ACBD6: variants seen among roughly 807,000 people sequenced by gnomAD.
ACBD6 encodes acyl-CoA-binding domain-containing protein 6.
In ACBD6, 28 loss-of-function variants were observed where a neutral mutation model predicts 37.2. The ratio of observed to expected loss-of-function variants is 0.75; its 90% CI spans 0.56 to 1.03. The LOEUF (loss-of-function observed/expected upper bound fraction) is 1.03. ACBD6 is among the 50% of genes least tolerant of loss of function. The pLI is 0.00. For missense variants in ACBD6, 340 were observed against 337.4 expected, an observed-to-expected ratio of 1.01 and a Z score of -0.06; for synonymous variants, 113 against 126.8, an observed-to-expected ratio of 0.89 and a Z score of 0.73.
chr1:180,337,583 A>G (rs1200268547), intron 6 of ACBD6, among the ~76,000 whole-genome samples: 1 of 152,218 alleles, frequency 6.6e-6, no homozygotes, highest in Non-Finnish European at 1.5e-5. Context: ...ATTCCCTTTG[A>G]AAATGGGCAC....
chr1:180,304,101 G>A (rs12120966), intron 7 of ACBD6, among the ~76,000 whole-genome samples: 3,069 of 150,728 alleles, frequency 0.02, 174 homozygotes, highest in Middle Eastern at 0.044. Context: ...TTGATGGGAC[G>A]TATCTCATAA....
chr1:180,312,395 TA>T (rs1033862643), intron 7 of ACBD6, among the ~76,000 whole-genome samples: 1 of 152,158 alleles, frequency 6.6e-6, no homozygotes, highest in Admixed American at 6.5e-5. Context: ...AGAATAAACT[TA>T]AAAAAACTAA....
At chr1:180,312,975 T>C (rs1213159002) in intron 7 of ACBD6, among the ~76,000 whole-genome samples, 1 of 152,226 alleles carries the variant, frequency 6.6e-6, no homozygotes, top group Admixed American at 6.5e-5. Context: ...TTTACCACTC[T>C]TAAAATGAGT....
intron 6 of ACBD6, among the ~76,000 whole-genome samples, chr1:180,318,573 A>G (rs181438788): frequency 2.4e-4 from 36 of 152,298 alleles, no homozygotes; most frequent in Admixed American, 2.4e-3. Flanking sequence ...AGCATCCCAG[A>G]TATATTATCA....
At chr1:180,274,333 A>C in intron 10 of ACBD6, 5 of 1,614,178 alleles carry the variant, frequency 3.1e-6, no homozygotes, top group Non-Finnish European at 4.2e-6. Flanking sequence ...GCCCCTATGG[A>C]ATCCCCCAGT....
At chr1:180,442,880 T>C (rs918242328) in intron 3 of ACBD6, among the ~76,000 whole-genome samples, 2 of 152,204 alleles carry the variant, frequency 1.3e-5, no homozygotes, top group African/African-American at 4.8e-5. Context: ...GAATATATAG[T>C]ATATATTTGT....
intron 4 of ACBD6, among the ~76,000 whole-genome samples, chr1:180,429,832 T>C (rs956038979): frequency 6.6e-6 from 1 of 152,132 alleles, no homozygotes; most frequent in African/African-American, 2.4e-5. Flanking sequence ...ACACAACATC[T>C]TGTCCCACCA....
rs780665486 is a variant in ACBD6 at position 180,394,410 on chromosome 1, T to C, written c.663+3106A>G. Among the ~76,000 whole-genome samples, 26 of 152,072 alleles carry C rather than the reference T, an allele frequency of 1.7e-4. No individual in the cohort carries two copies. In the South Asian group the frequency reaches 2.3e-3, roughly 13 times the overall value. On this transcript the variant is annotated intron_variant, in intron 6 of 7. Transcript: ENST00000367595. ...TGGCCAGTTTTTTTTTTTTTCTTTG[T>C]TGTTTTAATTTAGTGGTAATAGTGG...
chr1:180,288,865 A>G (rs1362937106), intron 7 of ACBD6, among the ~76,000 whole-genome samples: 3 of 152,222 alleles, frequency 2.0e-5, no homozygotes, highest in Non-Finnish European at 4.4e-5. Flanking sequence ...TTATTTCAGA[A>G]TAATGATACA....
chr1:180,397,728 A>T, intron 5 of ACBD6, 123 bp from the exon 6 acceptor site: 1 of 855,894 alleles, frequency 1.2e-6, no homozygotes, highest in Non-Finnish European at 1.9e-6. Context: ...AGAATGATTG[A>T]TATAAAAAAT....
At chr1:180,286,488 C>A (rs1649503872), downstream of ACBD6, among the ~76,000 whole-genome samples, 1 of 152,134 alleles carries the variant, frequency 6.6e-6, no homozygotes, top group Non-Finnish European at 1.5e-5. Context: ...AAAAAATGCA[C>A]AAAGTAATAC....
At chr1:180,376,949 G>T (rs151111405) in intron 6 of ACBD6, among the ~76,000 whole-genome samples, 222 of 152,210 alleles carry the variant, frequency 1.5e-3, no homozygotes, top group African/African-American at 5.1e-3. Context: ...AAGGGAGTGG[G>T]GAAGAAACAA....
intron 3 of ACBD6, among the ~76,000 whole-genome samples, chr1:180,471,883 CA>C (rs1416585318): frequency 1.3e-5 from 2 of 152,116 alleles, no homozygotes; most frequent in Non-Finnish European, 2.9e-5. Context: ...AATGATCAAA[CA>C]AAAACCAAGT....
chr1:180,457,769 T>C (rs1649979613), intron 3 of ACBD6, among the ~76,000 whole-genome samples: 1 of 151,178 alleles, frequency 6.6e-6, no homozygotes, highest in Admixed American at 6.6e-5. Flanking sequence ...TCCAAAAAAG[T>C]CTACTGTACC....
intron 3 of ACBD6, among the ~76,000 whole-genome samples, chr1:180,484,918 G>C (rs1433283921): frequency 1.3e-5 from 2 of 151,944 alleles, no homozygotes; most frequent in Non-Finnish European, 2.9e-5. Flanking sequence ...ACAAAAATTA[G>C]CTGGGCGTGG....
chr1:180,352,378 G>A (rs958207185), intron 6 of ACBD6, among the ~76,000 whole-genome samples: 15 of 152,046 alleles, frequency 9.9e-5, no homozygotes, highest in Non-Finnish European at 2.2e-4. Flanking sequence ...TGAGGATCAG[G>A]AGGTTTTCAC....
At chr1:180,388,609 T>A (rs1010101631) in intron 6 of ACBD6, among the ~76,000 whole-genome samples, 1 of 152,146 alleles carries the variant, frequency 6.6e-6, no homozygotes, top group Non-Finnish European at 1.5e-5. Flanking sequence ...CAATTTTTTT[T>A]TTTTTAATTT....
chr1:180,292,189 A>G (rs1250333382), intron 7 of ACBD6, among the ~76,000 whole-genome samples: 9 of 152,160 alleles, frequency 5.9e-5, no homozygotes, highest in Admixed American at 2.0e-4. Flanking sequence ...TTTAGAATCA[A>G]CTTATAAGTT....
chr1:180,289,038 T>TAAC (rs1421805281), intron 7 of ACBD6, among the ~76,000 whole-genome samples: 1 of 102,966 alleles, frequency 9.7e-6, no homozygotes, highest in Non-Finnish European at 2.1e-5. Flanking sequence ...CTACAGGAAC[T>TAAC]AAAAAAAAAA....
Sources: allele counts gnomAD v4.1 joint callset (sites outside exome capture counted in the v4.1 genomes callset), GRCh38; gene constraint gnomAD v4.1.1; transcripts MANE v1.5; gene names NCBI Gene and HGNC (gene_info 2026-07-23, HGNC 2026-07-21).